SLC10A7: variants seen among roughly 807,000 people sequenced by gnomAD.
The protein encoded by SLC10A7 is solute carrier family 10 member 7.
Under a neutral mutation model 43.2 loss-of-function variants are expected in SLC10A7, and 29 were observed. That is an observed-to-expected ratio of 0.67 (90% CI 0.50 to 0.92). SLC10A7 has a LOEUF of 0.92. SLC10A7 is among the 40% of genes least tolerant of loss of function. The probability of loss-of-function intolerance (pLI) is 0.00; values close to 1 mark genes in which losing one functional copy is unlikely to be tolerated. For synonymous variants in SLC10A7, 152 were observed against 144.8 expected (o/e 1.05, Z -0.35); for missense variants, 295 against 403.2 (o/e 0.73, Z 2.30).
At chr4:146,370,463 C>T (rs1175394217) in intron 5 of SLC10A7, among the ~76,000 whole-genome samples, 1 of 152,088 alleles carries the variant, frequency 6.6e-6, no homozygotes, top group Non-Finnish European at 1.5e-5. Flanking sequence ...GTGTACTCTG[C>T]CATGTTATTG....
intron 5 of SLC10A7, among the ~76,000 whole-genome samples, chr4:146,395,850 A>G (rs902928467): frequency 6.6e-6 from 1 of 152,146 alleles, no homozygotes; most frequent in Non-Finnish European, 1.5e-5. Flanking sequence ...ATTCAACCAT[A>G]CATGTCATTT....
intron 4 of SLC10A7, among the ~76,000 whole-genome samples, chr4:146,502,961 T>C (rs1579355492): frequency 6.6e-6 from 1 of 152,210 alleles, no homozygotes; most frequent in East Asian, 1.9e-4. Flanking sequence ...ATCTTGATTG[T>C]GGTGATGGTT....
intron 10 of SLC10A7, among the ~76,000 whole-genome samples, chr4:146,261,549 C>T (rs796819969): frequency 1.8e-4 from 27 of 152,272 alleles, no homozygotes; most frequent in African/African-American, 6.0e-4. Flanking sequence ...GCTTTCCTGA[C>T]GGACCCTGGT....
At chr4:146,495,007 T>C (rs946158269) in intron 4 of SLC10A7, among the ~76,000 whole-genome samples, 21 of 152,154 alleles carry the variant, frequency 1.4e-4, no homozygotes, top group African/African-American at 4.8e-4. Context: ...AAAATAAGAC[T>C]GAAGCTAAAA....
intron 5 of SLC10A7, among the ~76,000 whole-genome samples, chr4:146,369,481 G>A (rs932534783): frequency 2.6e-5 from 4 of 152,212 alleles, no homozygotes; most frequent in East Asian, 3.9e-4. Flanking sequence ...AAGCAAACAC[G>A]CTGATAAAAC....
At chr4:146,328,098 C>T (rs1733279029) in intron 5 of SLC10A7, among the ~76,000 whole-genome samples, 1 of 152,180 alleles carries the variant, frequency 6.6e-6, no homozygotes, top group Non-Finnish European at 1.5e-5. Flanking sequence ...GCCCACCCTG[C>T]CTGTTGCCTC....
chr4:146,473,727 A>G (rs935564619), intron 4 of SLC10A7, among the ~76,000 whole-genome samples: 2 of 152,162 alleles, frequency 1.3e-5, no homozygotes, highest in African/African-American at 4.8e-5. Context: ...AAAAAAAATG[A>G]GTTTCTAGAA....
chr4:146,411,697 G>A (rs758981974), intron 5 of SLC10A7, among the ~76,000 whole-genome samples: 12 of 152,022 alleles, frequency 7.9e-5, no homozygotes, highest in Non-Finnish European at 1.5e-4. Context: ...TTTCACATTC[G>A]TCTTTAGTGT....
At chr4:146,362,807 TATAAG>T (rs1272810223) in intron 5 of SLC10A7, among the ~76,000 whole-genome samples, 1 of 151,990 alleles carries the variant, frequency 6.6e-6, no homozygotes, top group African/African-American at 2.4e-5. Flanking sequence ...AATAATTGGT[TATAAG>T]ATGTTATTTG....
chr4:146,260,560 G>T, intron 10 of SLC10A7, among the ~76,000 whole-genome samples: 1 of 152,208 alleles, frequency 6.6e-6, no homozygotes, highest in Non-Finnish European at 1.5e-5. Context: ...AAGCTTAAGT[G>T]ATCTCAGAAG....
At chr4:146,369,354 C>G (rs1736610668) in intron 5 of SLC10A7, among the ~76,000 whole-genome samples, 1 of 152,188 alleles carries the variant, frequency 6.6e-6, no homozygotes, top group Non-Finnish European at 1.5e-5. Context: ...TCTACAGAAT[C>G]TGGCATTTAG....
rs571241808 is a variant in SLC10A7 at position 146,392,963 on chromosome 4, C to T, written c.435+49820G>A. Among the ~76,000 whole-genome samples the T allele has an allele frequency of 1.2e-4, 18 of 152,094 alleles. No individual in the cohort carries two copies. The South Asian group carries it at 3.5e-3, about 30-fold the overall frequency. ...TTTAGTTCCTTAAAAACAACATGGGCAATCCTGCCTCAAGGCCCTTGATCA... is the reference window on the plus strand; with the variant it reads ...TTTAGTTCCTTAAAAACAACATGGGTAATCCTGCCTCAAGGCCCTTGATCA... On this transcript the variant is annotated intron_variant, in intron 5 of 11. Transcript: ENST00000335472.
At chr4:146,327,283 T>C (rs567423890) in intron 5 of SLC10A7, among the ~76,000 whole-genome samples, 2 of 152,342 alleles carry the variant, frequency 1.3e-5, no homozygotes, top group African/African-American at 4.8e-5. Flanking sequence ...ACTTTTGCAA[T>C]TGGCCAAAGA....
rs1485361816 is a variant in SLC10A7, at chr4:146,305,991, C to T, written c.490G>A (p.Val164Met). The T allele has an allele frequency of 2.5e-6, 4 of 1,608,430 alleles. No homozygotes were observed. The highest frequency in any genetic ancestry group is 2.2e-5 in the East Asian group (1 of 44,580). ...TGAGAAAAAATAGATGTGAAAGGCA[C>T]AGAAGAAGATGAACCAAGCTGTAAA... ...LLLFLGSSSS[V>M]PFTSIFSQLF... The change falls in exon 7 of 12, where the codon GTG (valine) becomes ATG (methionine). Residue 164 changes from valine to methionine, a missense_variant. Transcript: ENST00000335472.
chr4:146,514,077 T>G (rs1029863169), intron 2 of SLC10A7: 5 of 152,242 alleles, frequency 3.3e-5, no homozygotes, highest in Non-Finnish European at 4.4e-5. Context: ...GACACCGATT[T>G]CTCTTGTAAC....
At position 146,315,552 on chromosome 4, in the gene SLC10A7, C is replaced by G. The variant is rs557026793; in HGVS notation, c.472-9543G>C. 1.3e-3 allele frequency among the ~76,000 whole-genome samples: 192 copies of G among 152,196 alleles called. 2 individuals carry two copies. The highest frequency in any genetic ancestry group is 2.0e-3 in the Non-Finnish European group (134 of 67,966). ...TCATTCTCCTCAAATTAAAAATTTT[C>G]TTTCAGTAGAAAATTTATTGCAAAA... On this transcript the variant is annotated intron_variant, in intron 6 of 11. Transcript: ENST00000335472.
At chr4:146,473,122 T>A (rs1733720095) in intron 4 of SLC10A7, among the ~76,000 whole-genome samples, 1 of 152,218 alleles carries the variant, frequency 6.6e-6, no homozygotes, top group Non-Finnish European at 1.5e-5. Context: ...AGTTTTTAAT[T>A]CTAATCCAAG....
chr4:146,416,652 A>T (rs1315009442), intron 5 of SLC10A7, among the ~76,000 whole-genome samples: 1 of 152,188 alleles, frequency 6.6e-6, no homozygotes, highest in Non-Finnish European at 1.5e-5. Context: ...ATTCAGAAAG[A>T]GAATCTGGTC....
intron 4 of SLC10A7, among the ~76,000 whole-genome samples, chr4:146,503,396 C>A (rs760611079): frequency 5.9e-5 from 9 of 152,210 alleles, no homozygotes; most frequent in Non-Finnish European, 8.8e-5. Flanking sequence ...TCTTTGAATT[C>A]ATCTAAGAAA....
Sources: allele counts gnomAD v4.1 joint callset (sites outside exome capture counted in the v4.1 genomes callset), GRCh38; gene constraint gnomAD v4.1.1; transcripts MANE v1.5; gene names NCBI Gene and HGNC (gene_info 2026-07-23, HGNC 2026-07-21).